The following FRMD4B variants were observed in gnomAD, a reference collection of about 807,000 sequenced individuals.
FRMD4B encodes FERM domain-containing protein 4B.
A neutral mutation model predicts 141.5 loss-of-function variants in FRMD4B; 74 were observed. That is an observed-to-expected ratio of 0.52 (90% CI 0.43 to 0.63). The LOEUF is 0.63. Among genes scored for constraint, FRMD4B ranks in the 30% least tolerant of loss-of-function variants. The pLI, the probability that FRMD4B is intolerant of heterozygous loss-of-function variation, is 0.00. For synonymous variants in FRMD4B, 506 were observed against 467.9 expected, an observed-to-expected ratio of 1.08 and a Z score of -1.05; for missense variants, 1,366 against 1,253.4, an observed-to-expected ratio of 1.09 and a Z score of -1.36.
chr3:69,248,745 T>A (rs905809937), intron 7 of FRMD4B, among the ~76,000 whole-genome samples: 3 of 152,234 alleles, frequency 2.0e-5, no homozygotes, highest in African/African-American at 4.8e-5. Flanking sequence ...ATTAAGTGTC[T>A]CCGCAGCAAC....
At chr3:69,404,607 G>A (rs1396670927) in intron 2 of FRMD4B, among the ~76,000 whole-genome samples, 1 of 152,126 alleles carries the variant, frequency 6.6e-6, no homozygotes, top group Non-Finnish European at 1.5e-5. Context: ...TGATGGGTTA[G>A]GTTCAGACTC....
At position 69,484,412 on chromosome 3, in the gene FRMD4B, C is replaced by T. The variant is rs376997143; in HGVS notation, c.-128-51651G>A. On this transcript the variant is annotated intron_variant, in intron 1 of 5. Coordinates refer to the FRMD4B transcript ENST00000459638. ...ATCTTTGGGGTGTTGATTTTCTGGC[C>T]AGAAACCTCTGTGGCCTTTGCTCGA... Among the ~76,000 whole-genome samples the T allele has an allele frequency of 3.9e-5, 6 of 152,122 alleles. No individual in the cohort carries two copies. The East Asian group carries it at 1.2e-3, about 29-fold the overall frequency.
intron 2 of FRMD4B, among the ~76,000 whole-genome samples, chr3:69,397,719 G>A (rs1322136223): frequency 1.3e-5 from 2 of 152,060 alleles, no homozygotes; most frequent in Non-Finnish European, 2.9e-5. Flanking sequence ...AGGGAATTAG[G>A]GAGAAATGGG....
At chr3:69,224,730 T>C in intron 7 of FRMD4B, 40 bp from the exon 8 acceptor site, 6 of 970,026 alleles carry the variant, frequency 6.2e-6, no homozygotes, top group South Asian at 1.4e-5. Context: ...GGTACTGTTA[T>C]CCAAAAAATT....
intron 11 of FRMD4B, among the ~76,000 whole-genome samples, chr3:69,209,420 G>A (rs1414302700): frequency 6.6e-6 from 1 of 152,170 alleles, no homozygotes; most frequent in Non-Finnish European, 1.5e-5. Flanking sequence ...ATAAATTAAA[G>A]TATGGTGTGG....
Position 69,181,668 on chromosome 3 carries a change from G to C in FRMD4B, c.2082C>G (p.Ser694Arg), listed in dbSNP as rs763674289. Residue 694 changes from serine to arginine, a missense_variant, in exon 21 of 23, where the codon AGC becomes AGG. Transcript: ENST00000398540. Reference protein sequence around the residue: ...SSQHCRQRSGSLESQSHLLSE... With the variant: ...SSQHCRQRSGRLESQSHLLSE... ...AGAGCAGGTGGGACTGGGACTCCAGGCTTCCACTCCGCTGGCGGCAGTGCT... is the reference window on the plus strand; with the variant it reads ...AGAGCAGGTGGGACTGGGACTCCAGCCTTCCACTCCGCTGGCGGCAGTGCT... 6.2e-7 allele frequency: 1 copy of C among 1,613,484 alleles called. No homozygotes were observed. Among genetic ancestry groups the C allele is most frequent in the Non-Finnish European group, 8.5e-7 (1 of 1,179,690 alleles).
intron 2 of FRMD4B, among the ~76,000 whole-genome samples, chr3:69,391,666 G>A (rs185435525): frequency 1.4e-3 from 219 of 152,310 alleles, no homozygotes; most frequent in African/African-American, 4.8e-3. Context: ...GCACTGTTAT[G>A]AAAGTCTCTG....
At chr3:69,336,576 C>T (rs1399873809) in intron 1 of FRMD4B, 1 of 152,226 alleles carries the variant, frequency 6.6e-6, no homozygotes, top group East Asian at 1.9e-4. Context: ...GGCTTTTGCA[C>T]TGGTACTTAT....
Position 69,265,299 on chromosome 3 carries a change from T to A in FRMD4B, c.502-15200A>T, listed in dbSNP as rs1460021897. 3.1e-3 allele frequency among the ~76,000 whole-genome samples: 291 copies of A among 93,970 alleles called. 38 individuals carry two copies. The highest frequency in any genetic ancestry group is 0.011 in the African/African-American group (269 of 25,402). The allele number at this position is 93,970 out of a possible 152,430, so 61.6% of individuals were successfully genotyped here. On this transcript the variant is annotated intron_variant, in intron 5 of 22. Transcript: ENST00000398540. ...ATATATATATATATATATATATATA[T>A]ATATATATATATATATGCAGATATG...
intron 3 of FRMD4B, among the ~76,000 whole-genome samples, chr3:69,303,598 A>G (rs779110027): frequency 6.6e-6 from 1 of 152,182 alleles, no homozygotes; most frequent in African/African-American, 2.4e-5. Flanking sequence ...ATTTTAGATA[A>G]TCAAGAAGGA....
At chr3:69,179,629 T>G (rs2092684527) in intron 21 of FRMD4B, among the ~76,000 whole-genome samples, 1 of 152,138 alleles carries the variant, frequency 6.6e-6, no homozygotes, top group African/African-American at 2.4e-5. Flanking sequence ...CTTTTAAAGG[T>G]GTAGTTTTCA....
intron 5 of FRMD4B, among the ~76,000 whole-genome samples, chr3:69,268,039 A>G (rs1310744159): frequency 6.6e-6 from 1 of 151,892 alleles, no homozygotes; most frequent in Non-Finnish European, 1.5e-5. Context: ...AGGACTATGA[A>G]CTTTCCTCCC....
chr3:69,466,280 T>A (rs1252636230), intron 1 of FRMD4B, among the ~76,000 whole-genome samples: 1 of 152,304 alleles, frequency 6.6e-6, no homozygotes, highest in East Asian at 1.9e-4. Context: ...CTTTGTAGAT[T>A]CTGGAAATTA....
chr3:69,473,863 G>C (rs946739897), intron 1 of FRMD4B, among the ~76,000 whole-genome samples: 8 of 152,118 alleles, frequency 5.3e-5, no homozygotes, highest in African/African-American at 1.9e-4. Flanking sequence ...AACAAGAGAA[G>C]GCTGCTTCTA....
intron 1 of FRMD4B, among the ~76,000 whole-genome samples, chr3:69,474,040 C>A (rs1005493814): frequency 2.6e-5 from 4 of 152,146 alleles, no homozygotes; most frequent in South Asian, 2.1e-4. Flanking sequence ...TACCGTCATC[C>A]AAGTTCTCTT....
At chr3:69,453,734 T>C (rs1705536964) in intron 1 of FRMD4B, among the ~76,000 whole-genome samples, 1 of 152,188 alleles carries the variant, frequency 6.6e-6, no homozygotes, top group African/African-American at 2.4e-5. Context: ...GAGATGATTA[T>C]CTGACGCTTT....
At chr3:69,213,342 G>T in intron 11 of FRMD4B, among the ~76,000 whole-genome samples, 1 of 143,826 alleles carries the variant, frequency 7.0e-6, no homozygotes, top group South Asian at 2.2e-4. Context: ...TTTCTTCCTT[G>T]CCCTCATGAG....
intron 5 of FRMD4B, among the ~76,000 whole-genome samples, chr3:69,267,608 T>C (rs2093570138): frequency 2.2e-5 from 2 of 91,538 alleles, no homozygotes; most frequent in Admixed American, 2.6e-4. Context: ...TATATATATA[T>C]ATATATATAT....
chr3:69,183,899 C>G (rs1161924374), intron 19 of FRMD4B, among the ~76,000 whole-genome samples: 3 of 151,714 alleles, frequency 2.0e-5, no homozygotes, highest in Non-Finnish European at 4.4e-5. Context: ...ATTTAAATGT[C>G]TATAATCTTT....
Sources: allele counts gnomAD v4.1 joint callset (sites outside exome capture counted in the v4.1 genomes callset), GRCh38; gene constraint gnomAD v4.1.1; transcripts MANE v1.5; gene names NCBI Gene and HGNC (gene_info 2026-07-23, HGNC 2026-07-21).